The following CRYBG1 variants were observed in gnomAD, a reference collection of about 807,000 sequenced individuals.
The protein encoded by CRYBG1 is beta/gamma crystallin domain-containing protein 1.
CRYBG1 carries 139 observed loss-of-function variants against 189.2 expected under a neutral mutation model. The observed-to-expected ratio is 0.73, with a 90% CI of 0.64 to 0.85. The LOEUF (loss-of-function observed/expected upper bound fraction) is 0.85. CRYBG1 is among the 40% of genes least tolerant of loss of function. The pLI is 0.00. For synonymous variants in CRYBG1, 1,023 were observed against 1,017.1 expected (o/e 1.01, Z -0.11); for missense variants, 2,611 against 2,675.8 (o/e 0.98, Z 0.53).
intron 1 of CRYBG1, among the ~76,000 whole-genome samples, chr6:106,411,534 G>A (rs1409861104): frequency 6.6e-6 from 1 of 152,128 alleles, no homozygotes; most frequent in Non-Finnish European, 1.5e-5. Context: ...TTTGTCACCA[G>A]GCTAGCAGGT....
chr6:106,396,703 T>G (rs961734578), intron 1 of CRYBG1, among the ~76,000 whole-genome samples: 3 of 152,242 alleles, frequency 2.0e-5, no homozygotes, highest in Admixed American at 6.5e-5. Flanking sequence ...ACATAGAAAT[T>G]TGGAGTCTTG....
chr6:106,525,205 C>T, intron 5 of CRYBG1, 25 bp downstream of exon 5: 2 of 1,613,980 alleles, frequency 1.2e-6, no homozygotes, highest in East Asian at 2.2e-5. Context: ...TGTTTCTAGT[C>T]TTGATTCTAT....
rs551369444 is a variant in CRYBG1, at chr6:106,495,302, A to T, written c.313-16128A>T. ...ATGCTGGAAGGAGGAGGATGAGACA[A>T]GGGTAATTTGAGAAGTAAGAAGATT... On this transcript the variant is annotated intron_variant, in intron 2 of 21. Coordinates refer to ENST00000633556, the MANE Select transcript of CRYBG1 (RefSeq NM_001371242.2). Among the ~76,000 whole-genome samples the T allele has an allele frequency of 2.6e-5, 4 of 152,242 alleles. No individual in the cohort carries two copies. In the East Asian group the frequency reaches 5.8e-4, roughly 22 times the overall value.
chr6:106,476,451 C>A (rs943435030), intron 2 of CRYBG1, among the ~76,000 whole-genome samples: 4 of 152,086 alleles, frequency 2.6e-5, no homozygotes, highest in African/African-American at 9.7e-5. Context: ...AGATCTAACA[C>A]CAAAAGACCA....
rs540017648 is a variant in CRYBG1 at position 106,548,735 on chromosome 6, T to A, written c.5313-3117T>A. Among the ~76,000 whole-genome samples, 883 of 152,134 alleles carry A rather than the reference T, an allele frequency of 5.8e-3. 23 individuals carry two copies. The highest frequency in any genetic ancestry group is 0.034 in the Admixed American group (520 of 15,282). ...CTAGTGTTTGTAACGTAGATTTTCTTTTTTTTTAAATTTTATTATTATTAT... is the reference window on the plus strand; with the variant it reads ...CTAGTGTTTGTAACGTAGATTTTCTATTTTTTTAAATTTTATTATTATTAT... On this transcript the variant is annotated intron_variant, in intron 13 of 21. Coordinates refer to ENST00000633556, the MANE Select transcript of CRYBG1 (RefSeq NM_001371242.2).
rs566328256 is a variant in CRYBG1, at chr6:106,511,674, C to T, written c.557C>T (p.Pro186Leu). The change falls in exon 3 of 22, where the codon CCG becomes CTG. Residue 186 changes from proline to leucine, a missense_variant. Pro to Leu is a moderately conservative substitution (Grantham distance 98). Coordinates refer to ENST00000633556, the MANE Select transcript of CRYBG1 (RefSeq NM_001371242.2). ...KQTDTSEEGS[P>L]RENPREAEGE... ...ACGGACACAAGCGAGGAGGGCTCCC[C>T]GCGGGAGAATCCCCGAGAGGCAGAG... 160 of 1,535,632 alleles carry T rather than the reference C, an allele frequency of 1.0e-4. 5 individuals carry two copies. In the South Asian group the frequency reaches 1.7e-3, roughly 17 times the overall value.
intron 2 of CRYBG1, among the ~76,000 whole-genome samples, chr6:106,464,531 A>G (rs1456439818): frequency 1.3e-5 from 2 of 151,786 alleles, no homozygotes; most frequent in African/African-American, 2.4e-5. Flanking sequence ...CATGCTATTC[A>G]TGGAATAAGA....
In CRYBG1 at chr6:106,512,704, C is replaced by T. The variant is rs1451436392; in HGVS notation, c.1587C>T (p.Pro529=). ...CCCTCGAGGCCGTGCCCGCCCCGCC[C>T]GCCAGCGGCCCCCGGGCTCCCGCCA... ...SRALEAVPAP[P]ASGPRAPAKE... is the part of the protein sequence containing the mutation. The change falls in exon 3 of 22, where the codon CCC becomes CCT. Residue 529 remains proline, a synonymous_variant. Coordinates refer to ENST00000633556, the MANE Select transcript of CRYBG1 (RefSeq NM_001371242.2). The T allele has an allele frequency of 1.3e-6, 2 of 1,548,636 alleles. No individual in the cohort carries two copies. Among genetic ancestry groups the T allele is most frequent in the East Asian group, 2.4e-5 (1 of 41,610 alleles).
chr6:106,512,364 G>A lies in CRYBG1; in HGVS notation c.1247G>A (p.Arg416His), dbSNP rs201831323. 4 of 1,611,398 alleles carry A rather than the reference G, an allele frequency of 2.5e-6. No homozygotes were observed. Among genetic ancestry groups the A allele is most frequent in the East Asian group, 4.5e-5 (2 of 44,784 alleles). The change falls in exon 3 of 22, where the codon CGT becomes CAT. Residue 416 changes from arginine (R) to histidine (H), a missense_variant. Coordinates refer to ENST00000633556, the MANE Select transcript of CRYBG1 (RefSeq NM_001371242.2). Reference sequence around the variant, plus strand: ...GACATGGAGAAGAGGTCCAGCGGCCGTAGGTCGGGGAGGCGGAGGGGGTCG... The same window carrying A: ...GACATGGAGAAGAGGTCCAGCGGCCATAGGTCGGGGAGGCGGAGGGGGTCG... Reference protein sequence around the residue: ...WDDMEKRSSGRRSGRRRGSQK... With the variant: ...WDDMEKRSSGHRSGRRRGSQK...
intron 1 of CRYBG1, among the ~76,000 whole-genome samples, chr6:106,383,708 T>C (rs1046639701): frequency 2.5e-4 from 38 of 152,204 alleles, no homozygotes; most frequent in Non-Finnish European, 3.1e-4. Context: ...GTCACACATG[T>C]TTTTCCTCTG....
chr6:106,370,451 C>T (rs558811523), intron 1 of CRYBG1, among the ~76,000 whole-genome samples: 1 of 152,322 alleles, frequency 6.6e-6, no homozygotes, highest in South Asian at 2.1e-4. Flanking sequence ...CTGCTCCTGG[C>T]TGCTCTAACT....
At chr6:106,392,132 C>T (rs371420836) in intron 1 of CRYBG1, among the ~76,000 whole-genome samples, 78 of 152,134 alleles carry the variant, frequency 5.1e-4, no homozygotes, top group African/African-American at 1.8e-3. Context: ...TTAGTCCCCG[C>T]GAATCTGTGT....
At chr6:106,484,512 G>T (rs1486028896) in intron 2 of CRYBG1, among the ~76,000 whole-genome samples, 6 of 152,008 alleles carry the variant, frequency 3.9e-5, no homozygotes, top group Non-Finnish European at 7.4e-5. Flanking sequence ...TAGAGACAGG[G>T]TCTTGCCATG....
chr6:106,474,958 A>G (rs908008023), intron 2 of CRYBG1, among the ~76,000 whole-genome samples: 1 of 152,194 alleles, frequency 6.6e-6, no homozygotes, highest in Non-Finnish European at 1.5e-5. Flanking sequence ...GTTGGGGGAA[A>G]ACAGGTAGAT....
intron 2 of CRYBG1, among the ~76,000 whole-genome samples, chr6:106,473,001 T>C (rs1043777515): frequency 6.6e-6 from 1 of 152,230 alleles, no homozygotes; most frequent in Non-Finnish European, 1.5e-5. Context: ...AGTTTCTCTC[T>C]TGTTACCTGT....
chr6:106,504,029 G>GA (rs33971164), intron 2 of CRYBG1, among the ~76,000 whole-genome samples: 26,301 of 88,420 alleles, frequency 0.3, 3,800 homozygotes, highest in African/African-American at 0.48. Flanking sequence ...GACAGCATTA[G>GA]AAAAAAAAAA....
chr6:106,520,066 T>G lies in CRYBG1; in HGVS notation c.2858T>G (p.Val953Gly). 6.2e-7 allele frequency: 1 copy of G among 1,613,996 alleles called. No individual in the cohort carries two copies. The highest frequency in any genetic ancestry group is 8.5e-7 in the Non-Finnish European group (1 of 1,179,986). ...GTGGGAAGTGAGTGTCCATCCAGAG[T>G]CCTCGTCCAGGTCAGGTCCTTCGTG... is the stretch of plus-strand genomic sequence containing the variant. The part of the protein sequence containing the change: ...EAVGSECPSR[V>G]LVQVRSFVLP... Residue 953 changes from valine (V) to glycine (G), a missense_variant, in exon 4 of 22, where the codon GTC becomes GGC. Val to Gly is a moderately radical substitution (Grantham distance 109). Around this residue, in one of 3 missense-constraint regions of CRYBG1, gnomAD observed 1,622 missense variants for 1,735.0 expected, o/e 0.93. Coordinates refer to ENST00000633556, the MANE Select transcript of CRYBG1 (RefSeq NM_001371242.2).
At chr6:106,532,373 T>C (rs763497157) in intron 8 of CRYBG1, among the ~76,000 whole-genome samples, 2 of 152,232 alleles carry the variant, frequency 1.3e-5, no homozygotes, top group African/African-American at 2.4e-5. Flanking sequence ...AACATGCAAG[T>C]GCGGGTATCC....
intron 2 of CRYBG1, among the ~76,000 whole-genome samples, chr6:106,498,600 TA>T (rs1772908824): frequency 1.3e-5 from 2 of 152,168 alleles, no homozygotes; most frequent in African/African-American, 4.8e-5. Context: ...TCAGAAATAT[TA>T]ATATCGGTCA....
Sources: gnomAD v4.1 joint callset for allele counts (sites outside exome capture counted in the v4.1 genomes callset) on GRCh38, gnomAD v4.1.1 for gene constraint, gnomAD v4.1.1 regional missense constraint, MANE v1.5 for transcripts, NCBI Gene and HGNC (gene_info 2026-07-23, HGNC 2026-07-21) for gene names.